SLC14A2: variants seen among roughly 807,000 people sequenced by gnomAD.
SLC14A2 encodes the protein urea transporter 2.
Under a neutral mutation model 104.6 loss-of-function variants are expected in SLC14A2, and 91 were observed. The observed-to-expected ratio is 0.87, with a 90% CI of 0.73 to 1.04. The LOEUF (loss-of-function observed/expected upper bound fraction) is 1.04, where lower values mean the gene tolerates loss of function less well. SLC14A2 is among the 50% of genes least tolerant of loss of function. The probability of loss-of-function intolerance (pLI) is 0.00; values close to 1 mark genes in which losing one functional copy is unlikely to be tolerated. For synonymous variants in SLC14A2, 476 were observed against 466.4 expected (o/e 1.02, Z -0.27); for missense variants, 1,189 against 1,156.0 (o/e 1.03, Z -0.41).
chr18:45,524,073 C>T (rs1354732882), intron 2 of SLC14A2, among the ~76,000 whole-genome samples: 1 of 152,188 alleles, frequency 6.6e-6, no homozygotes, highest in Non-Finnish European at 1.5e-5. Flanking sequence ...ACCTGTCTTT[C>T]CTGGCTATTG....
chr18:45,265,130 A>G (rs1188874137), intron 1 of SLC14A2, among the ~76,000 whole-genome samples: 2 of 152,184 alleles, frequency 1.3e-5, no homozygotes, highest in African/African-American at 4.8e-5. Context: ...TATTTGGGGT[A>G]TATAAAACAA....
chr18:45,494,211 A>G (rs1486061334), intron 2 of SLC14A2, among the ~76,000 whole-genome samples: 2 of 152,248 alleles, frequency 1.3e-5, no homozygotes, highest in African/African-American at 2.4e-5. Context: ...CTATCTGGAC[A>G]GTTGAATTCT....
intron 1 of SLC14A2, among the ~76,000 whole-genome samples, chr18:45,481,025 A>G (rs1033914385): frequency 6.6e-6 from 1 of 152,140 alleles, no homozygotes; most frequent in Non-Finnish European, 1.5e-5. Context: ...GATGATTGAT[A>G]AAGTTTAAAA....
At chr18:45,435,094 C>T (rs985243491) in intron 1 of SLC14A2, 1 of 152,154 alleles carries the variant, frequency 6.6e-6, no homozygotes, top group East Asian at 1.9e-4. Flanking sequence ...CATTTGTCCC[C>T]TCCACCTGGG....
At chr18:45,236,954 C>T (rs2084260954) in intron 1 of SLC14A2, among the ~76,000 whole-genome samples, 1 of 152,062 alleles carries the variant, frequency 6.6e-6, no homozygotes, top group African/African-American at 2.4e-5. Flanking sequence ...AACCCTGGGG[C>T]CTGGAAGTCT....
chr18:45,370,669 G>C (rs1287500481), intron 1 of SLC14A2, among the ~76,000 whole-genome samples: 1 of 152,014 alleles, frequency 6.6e-6, no homozygotes, highest in African/African-American at 2.4e-5. Context: ...CTTCACGCGG[G>C]ACCCATCAGT....
At chr18:45,351,834 G>T (rs143523924) in intron 1 of SLC14A2, among the ~76,000 whole-genome samples, 1 of 152,150 alleles carries the variant, frequency 6.6e-6, no homozygotes, top group South Asian at 2.1e-4. Context: ...TTTAGTATGG[G>T]GCTGGAGAGG....
intron 1 of SLC14A2, among the ~76,000 whole-genome samples, chr18:45,328,076 G>A: frequency 6.6e-6 from 1 of 151,754 alleles, no homozygotes; most frequent in East Asian, 1.9e-4. Flanking sequence ...AAACAAAGTG[G>A]AAGAAAAAAA....
At chr18:45,407,308 A>G (rs908958783) in intron 1 of SLC14A2, among the ~76,000 whole-genome samples, 1 of 152,316 alleles carries the variant, frequency 6.6e-6, no homozygotes, top group African/African-American at 2.4e-5. Flanking sequence ...AACCTCTTCT[A>G]GCTTCAAACT....
intron 2 of SLC14A2, among the ~76,000 whole-genome samples, chr18:45,576,344 C>T (rs1261648292): frequency 2.2e-5 from 3 of 137,036 alleles, no homozygotes; most frequent in Non-Finnish European, 3.0e-5. Context: ...AGTACAATGG[C>T]GCGATCTCGG....
chr18:45,511,548 G>A (rs1200336115), intron 2 of SLC14A2, among the ~76,000 whole-genome samples: 3 of 152,136 alleles, frequency 2.0e-5, no homozygotes, highest in African/African-American at 4.8e-5. Flanking sequence ...CCTTATCACA[G>A]TGGTTGATAT....
At chr18:45,181,465 T>G in the SLC14A2 span, 2 of 152,154 alleles carry the variant, frequency 1.3e-5, no homozygotes, top group African/African-American at 4.8e-5. Context: ...TTTCACACAC[T>G]GGGTCACCGC....
intron 1 of SLC14A2, among the ~76,000 whole-genome samples, chr18:45,219,157 T>C (rs2084038566): frequency 6.6e-6 from 1 of 152,178 alleles, no homozygotes; most frequent in Non-Finnish European, 1.5e-5. Context: ...TAGGACAAAG[T>C]CACTTAGATT....
At chr18:45,426,611 T>A in intron 1 of SLC14A2, among the ~76,000 whole-genome samples, 1 of 149,172 alleles carries the variant, frequency 6.7e-6, no homozygotes, top group Non-Finnish European at 1.5e-5. Context: ...ATATGTACTA[T>A]ATATATACAC....
At chr18:45,517,294 C>T (rs984488980) in intron 2 of SLC14A2, among the ~76,000 whole-genome samples, 1 of 152,176 alleles carries the variant, frequency 6.6e-6, no homozygotes, top group African/African-American at 2.4e-5. Flanking sequence ...GCGGCCCTGG[C>T]TGATTGAGTT....
At chr18:45,413,994 T>A (rs1427119603) in intron 1 of SLC14A2, among the ~76,000 whole-genome samples, 1 of 152,114 alleles carries the variant, frequency 6.6e-6, no homozygotes, top group Non-Finnish European at 1.5e-5. Context: ...ATTTGAAGAA[T>A]GAGACCTGTG....
chr18:45,331,492 C>T (rs1166463418), intron 1 of SLC14A2, among the ~76,000 whole-genome samples: 1 of 151,826 alleles, frequency 6.6e-6, no homozygotes, highest in East Asian at 1.9e-4. Context: ...GAGATCGAGA[C>T]CATCCTGGCT....
chr18:45,513,706 T>C (rs1278689321), intron 2 of SLC14A2, among the ~76,000 whole-genome samples: 1 of 152,162 alleles, frequency 6.6e-6, no homozygotes, highest in Non-Finnish European at 1.5e-5. Flanking sequence ...GCATTCTCAA[T>C]AAGAGTTAGG....
At chr18:45,493,653 T>A (rs1288110402) in intron 2 of SLC14A2, among the ~76,000 whole-genome samples, 2 of 152,244 alleles carry the variant, frequency 1.3e-5, no homozygotes, top group Admixed American at 1.3e-4. Flanking sequence ...ATAAGCATTT[T>A]AGCCACATGG....
Sources: allele counts gnomAD v4.1 joint callset (sites outside exome capture counted in the v4.1 genomes callset), GRCh38; gene constraint gnomAD v4.1.1; transcripts MANE v1.5; gene names NCBI Gene and HGNC (gene_info 2026-07-23, HGNC 2026-07-21).